Variants in ERC2 observed in about 807,000 individuals in gnomAD.
The protein encoded by ERC2 is ELKS/RAB6-interacting/CAST family member 2, also known as ERC protein 2.
Under a neutral mutation model 114.8 loss-of-function variants are expected in ERC2, and 42 were observed. That is an observed-to-expected ratio of 0.37 (90% CI 0.29 to 0.47). The LOEUF is 0.47. Ranked by LOEUF, ERC2 falls within the 20% of genes least tolerant of loss-of-function variation. ERC2 has a pLI of 0.99. For missense variants in ERC2, 939 were observed against 1,150.7 expected (o/e 0.82, Z 2.66); for synonymous variants, 454 against 425.5 (o/e 1.07, Z -0.82).
intron 17 of ERC2, among the ~76,000 whole-genome samples, chr3:55,584,350 A>G (rs2057483959): frequency 6.6e-6 from 1 of 152,180 alleles, no homozygotes; most frequent in South Asian, 2.1e-4. Flanking sequence ...ACAGGCATGC[A>G]GTCCTTAGAG....
intron 2 of ERC2, among the ~76,000 whole-genome samples, chr3:56,348,717 G>T (rs1257908278): frequency 6.6e-6 from 1 of 151,664 alleles, no homozygotes; most frequent in Non-Finnish European, 1.5e-5. Flanking sequence ...AGCCCCAAAT[G>T]GACCCAATAT....
chr3:56,108,189 C>T (rs1227478411), intron 6 of ERC2, among the ~76,000 whole-genome samples: 1 of 152,108 alleles, frequency 6.6e-6, no homozygotes, highest in Non-Finnish European at 1.5e-5. Flanking sequence ...TAAAATGCAA[C>T]TTTCATTCCT....
intron 12 of ERC2, chr3:55,955,130 T>C (rs777265311): frequency 7.8e-6 from 4 of 515,748 alleles, no homozygotes; most frequent in Non-Finnish European, 1.5e-5. Flanking sequence ...CACACATGCA[T>C]ATGAACGGAA....
At chr3:55,566,229 A>G (rs1201027291) in intron 17 of ERC2, among the ~76,000 whole-genome samples, 1 of 152,228 alleles carries the variant, frequency 6.6e-6, no homozygotes, top group Admixed American at 6.5e-5. Flanking sequence ...GCGATTGTAT[A>G]GGTACATGAA....
chr3:55,618,586 A>C (rs1386433157), intron 17 of ERC2, among the ~76,000 whole-genome samples: 1 of 152,236 alleles, frequency 6.6e-6, no homozygotes, highest in Non-Finnish European at 1.5e-5. Context: ...AAGTTCAAAA[A>C]GCAGATTATA....
chr3:55,644,214 A>ATAC (rs2148661612), intron 17 of ERC2, among the ~76,000 whole-genome samples: 1 of 152,318 alleles, frequency 6.6e-6, no homozygotes, highest in Non-Finnish European at 1.5e-5. Flanking sequence ...AATAATAATA[A>ATAC]TAGTCGCACT....
At chr3:56,344,368 A>G (rs2058223299) in intron 2 of ERC2, among the ~76,000 whole-genome samples, 1 of 152,050 alleles carries the variant, frequency 6.6e-6, no homozygotes, top group African/African-American at 2.4e-5. Context: ...CACTGAGAGA[A>G]CCTAACAGCG....
chr3:56,136,935 AT>A (rs1252225955), intron 6 of ERC2, among the ~76,000 whole-genome samples: 3 of 152,182 alleles, frequency 2.0e-5, no homozygotes, highest in African/African-American at 4.8e-5. Context: ...ACGGAGAATA[AT>A]TTTTTTCTAC....
intron 17 of ERC2, among the ~76,000 whole-genome samples, chr3:55,672,429 G>A (rs2061601023): frequency 6.6e-6 from 1 of 151,944 alleles, no homozygotes; most frequent in Non-Finnish European, 1.5e-5. Flanking sequence ...GGAAGGAGTA[G>A]CTGGCCAAGA....
intron 16 of ERC2, among the ~76,000 whole-genome samples, chr3:55,695,821 A>G (rs568137873): frequency 6.6e-6 from 1 of 152,306 alleles, no homozygotes; most frequent in African/African-American, 2.4e-5. Context: ...TACAGCACAG[A>G]TGTTACTTGA....
intron 15 of ERC2, among the ~76,000 whole-genome samples, chr3:55,723,986 G>A (rs2064748990): frequency 6.6e-6 from 1 of 151,836 alleles, no homozygotes; most frequent in Non-Finnish European, 1.5e-5. Context: ...TATGATGAGA[G>A]GAAGGAACGG....
intron 17 of ERC2, among the ~76,000 whole-genome samples, chr3:55,574,486 G>C (rs969569872): frequency 6.6e-6 from 1 of 152,054 alleles, no homozygotes; most frequent in African/African-American, 2.4e-5. Flanking sequence ...CCCTATGAAA[G>C]GGGTGCCAAG....
chr3:55,524,373 C>T (rs2107226240), intron 17 of ERC2, among the ~76,000 whole-genome samples: 1 of 152,258 alleles, frequency 6.6e-6, no homozygotes, highest in Non-Finnish European at 1.5e-5. Flanking sequence ...CCCAAGCTTC[C>T]CCAAAACTGC....
intron 17 of ERC2, among the ~76,000 whole-genome samples, chr3:55,617,110 G>T (rs907334698): frequency 6.6e-6 from 1 of 152,282 alleles, no homozygotes; most frequent in Middle Eastern, 3.4e-3. Flanking sequence ...CCTGGCTGGG[G>T]AGACTCTGAG....
At chr3:55,939,197 C>G (rs2066630876) in intron 13 of ERC2, among the ~76,000 whole-genome samples, 1 of 152,172 alleles carries the variant, frequency 6.6e-6, no homozygotes, top group South Asian at 2.1e-4. Flanking sequence ...CAGGGGCAAT[C>G]CAGGTGAATT....
chr3:56,451,768 A>C (rs1459711210), intron 1 of ERC2, among the ~76,000 whole-genome samples: 1 of 152,256 alleles, frequency 6.6e-6, no homozygotes, highest in East Asian at 1.9e-4. Context: ...CTTCTGGAGA[A>C]CAAATCTGTA....
chr3:56,338,696 A>AC (rs998405091), intron 2 of ERC2, among the ~76,000 whole-genome samples: 1 of 152,220 alleles, frequency 6.6e-6, no homozygotes, highest in Non-Finnish European at 1.5e-5. Flanking sequence ...TTCAACATAT[A>AC]CAAAGTGCCA....
In ERC2 at chr3:55,879,098, A is replaced by ATTTTTTTTT. The variant is rs1553715235; in HGVS notation, c.2564+9290_2564+9291insAAAAAAAAA. On this transcript the variant is annotated intron_variant, in intron 14 of 17. Transcript: ENST00000288221. The stretch of plus-strand genomic sequence containing the variant: ...TCTTTTCTTTTTTTTTCTTTTTCTT[A>ATTTTTTTTT]ATTTTTTTTTTTGGCAGAGTTTCTG... 9.2e-4 allele frequency among the ~76,000 whole-genome samples: 19 copies of ATTTTTTTTT among 20,682 alleles called. 1 individual carries two copies. The highest frequency in any genetic ancestry group is 2.8e-3 in the African/African-American group (16 of 5,748). The allele number at this position is 20,682 out of a possible 152,430, so 13.6% of individuals were successfully genotyped here.
chr3:56,330,683 C>A (rs2057568962), intron 2 of ERC2, among the ~76,000 whole-genome samples: 1 of 152,068 alleles, frequency 6.6e-6, no homozygotes, highest in South Asian at 2.1e-4. Flanking sequence ...TGACTCGCAA[C>A]AAAAATGCAC....
Sources: gnomAD v4.1 joint callset for allele counts (sites outside exome capture counted in the v4.1 genomes callset) on GRCh38, gnomAD v4.1.1 for gene constraint, MANE v1.5 for transcripts, NCBI Gene and HGNC (gene_info 2026-07-23, HGNC 2026-07-21) for gene names.